PARPBP: variants seen among roughly 807,000 people sequenced by gnomAD.
PARPBP encodes the protein PCNA-interacting partner.
A neutral mutation model predicts 50.0 loss-of-function variants in PARPBP; 52 were observed. The observed-to-expected ratio is 1.04, with a 90% CI of 0.83 to 1.31. The LOEUF (loss-of-function observed/expected upper bound fraction) is 1.31. PARPBP is among the 50% of genes most tolerant of loss of function. The pLI, the probability that PARPBP is intolerant of heterozygous loss-of-function variation, is 0.00. For synonymous variants in PARPBP, 244 were observed against 232.1 expected (o/e 1.05, Z -0.47); for missense variants, 697 against 672.0 (o/e 1.04, Z -0.41).
At position 102,139,208 on chromosome 12, in the gene PARPBP, C is replaced by T. The variant is rs1158752145; in HGVS notation, c.154-9022C>T. On this transcript the variant is annotated intron_variant, in intron 2 of 10. Coordinates refer to ENST00000327680, the MANE Select transcript of PARPBP (RefSeq NM_017915.5). ...CTCCTTGAAGAGGTCCTTCACATCC[C>T]TTGTAAGTTGGGTTCCTAGGTATTT... 2.6e-5 allele frequency among the ~76,000 whole-genome samples: 4 copies of T among 152,148 alleles called. No homozygotes were observed. In the East Asian group the frequency reaches 7.7e-4, roughly 29 times the overall value.
At chr12:102,165,557 G>A in intron 5 of PARPBP, among the ~76,000 whole-genome samples, 172 bp from the exon 6 acceptor site, 1 of 152,082 alleles carries the variant, frequency 6.6e-6, no homozygotes, top group Non-Finnish European at 1.5e-5. Flanking sequence ...AATTCTGCAT[G>A]GCATTTGTTT....
At chr12:102,188,785 G>A (rs12423586) in intron 9 of PARPBP, among the ~76,000 whole-genome samples, 1 of 152,068 alleles carries the variant, frequency 6.6e-6, no homozygotes, top group Admixed American at 6.6e-5. Context: ...TGGAGGAAAA[G>A]ATGGTCAAAA....
At chr12:102,174,715 C>T (rs567325245) in intron 6 of PARPBP, among the ~76,000 whole-genome samples, 83 of 152,272 alleles carry the variant, frequency 5.5e-4, no homozygotes, top group African/African-American at 1.6e-3. Flanking sequence ...TTCCTTAAAA[C>T]GGACCAAAAT....
Position 102,148,226 on chromosome 12 carries a change from TCAG to T in PARPBP, c.154-1_155del, listed in dbSNP as rs538702845. The T allele has an allele frequency of 1.0e-3, 1,397 of 1,362,354 alleles. 3 individuals carry two copies. The highest frequency in any genetic ancestry group is 1.7e-3 in the Admixed American group (84 of 48,828). The allele number at this position is 1,362,354 out of a possible 1,614,324, so 84.4% of individuals were successfully genotyped here. A position where few individuals can be genotyped will look rare whatever the true frequency, so the allele number is the denominator to read the frequency against. On this transcript the variant is annotated splice_acceptor_variant and splice_polypyrimidine_tract_variant and intron_variant, in intron 2 of 10. Transcript: ENST00000327680. LOFTEE classifies it high-confidence loss of function. ...TTTTTTTTTTTTGGCATTATCTTTT[TCAG>T]CACAGTGGAGAATTTACAGTCTCTC...
intron 2 of PARPBP, among the ~76,000 whole-genome samples, chr12:102,139,978 C>A (rs1884294849): frequency 6.6e-6 from 1 of 152,162 alleles, no homozygotes; most frequent in Non-Finnish European, 1.5e-5. Flanking sequence ...GCTTTGGTAT[C>A]AGGATGATGC....
intron 9 of PARPBP, among the ~76,000 whole-genome samples, chr12:102,189,368 C>G (rs928055910): frequency 6.6e-6 from 1 of 152,194 alleles, no homozygotes; most frequent in African/African-American, 2.4e-5. Flanking sequence ...GTAGAACTTT[C>G]AGTGATGGAA....
At chr12:102,124,504 G>T (rs1881656974) in intron 2 of PARPBP, among the ~76,000 whole-genome samples, 1 of 152,164 alleles carries the variant, frequency 6.6e-6, no homozygotes, top group Non-Finnish European at 1.5e-5. Context: ...ACTAGCGTTT[G>T]GATTTAAGCC....
intron 2 of PARPBP, among the ~76,000 whole-genome samples, chr12:102,125,788 A>G (rs1476586392): frequency 1.3e-5 from 2 of 152,244 alleles, no homozygotes; most frequent in African/African-American, 4.8e-5. Flanking sequence ...ATACAAATAC[A>G]TGTAAACTAA....
intron 7 of PARPBP, 21 bp downstream of exon 7, chr12:102,175,687 C>T (rs1440445211): frequency 2.7e-6 from 4 of 1,498,604 alleles, no homozygotes; most frequent in Non-Finnish European, 3.6e-6. Context: ...TTTTATTTTT[C>T]ATTATCCTTT....
chr12:102,164,270 G>T (rs1387785274), intron 4 of PARPBP, among the ~76,000 whole-genome samples, 168 bp from the exon 5 acceptor site: 1 of 152,022 alleles, frequency 6.6e-6, no homozygotes, highest in African/African-American at 2.4e-5. Context: ...GGGGAGAGAT[G>T]GAGTTTATTG....
intron 2 of PARPBP, among the ~76,000 whole-genome samples, chr12:102,132,716 T>C (rs1229781099): frequency 6.6e-6 from 1 of 152,220 alleles, no homozygotes; most frequent in Non-Finnish European, 1.5e-5. Flanking sequence ...TTGATAGGAA[T>C]AGCATTGAAT....
In PARPBP at chr12:102,120,186, T is replaced by TTCAGCGGCG. The variant is rs1880748569; in HGVS notation, c.-103_-95dup. The TTCAGCGGCG allele has an allele frequency of 1.2e-5, 3 of 248,520 alleles. No individual in the cohort carries two copies. Among genetic ancestry groups the TTCAGCGGCG allele is most frequent in the South Asian group, 3.3e-5 (1 of 29,964 alleles). 15.4% of individuals were successfully genotyped at this position (248,520 alleles called of 1,614,324 possible). ...GGCCTCCCGCGAGGTTTGAACTGTA[T>TTCAGCGGCG]TCAGCGGCGACAGCGGCGACTGCGG... On this transcript the variant is annotated 5_prime_UTR_variant, in exon 1 of 11. Coordinates refer to ENST00000327680, the MANE Select transcript of PARPBP (RefSeq NM_017915.5).
chr12:102,143,231 A>G lies in PARPBP; in HGVS notation c.154-4999A>G, dbSNP rs140529196. Among the ~76,000 whole-genome samples the G allele has an allele frequency of 5.9e-3, 896 of 152,280 alleles. 11 individuals carry two copies. Among genetic ancestry groups the G allele is most frequent in the African/African-American group, 0.02 (840 of 41,546 alleles). ...CCCAGCTGCCTTGCAGTTCGATCTC[A>G]GACTAATGTGCTAGCAGTGAGTGAG... On this transcript the variant is annotated intron_variant, in intron 2 of 10. Coordinates refer to ENST00000327680, the MANE Select transcript of PARPBP (RefSeq NM_017915.5).
chr12:102,169,306 T>C lies in PARPBP; in HGVS notation c.821+3423T>C, dbSNP rs1038246796. ...CTTCTACTACATATATGCAAATTCTTCTAAATCTATATTTCAGTGAAATTC... is the reference window on the plus strand; with the variant it reads ...CTTCTACTACATATATGCAAATTCTCCTAAATCTATATTTCAGTGAAATTC... On this transcript the variant is annotated intron_variant, in intron 6 of 10. Transcript: ENST00000327680. Among the ~76,000 whole-genome samples the C allele has an allele frequency of 2.0e-5, 3 of 152,324 alleles. No individual in the cohort carries two copies. The South Asian group carries it at 6.2e-4, about 32-fold the overall frequency.
chr12:102,129,901 TCCTATGGAA>T, intron 2 of PARPBP, among the ~76,000 whole-genome samples: 1 of 152,310 alleles, frequency 6.6e-6, no homozygotes, highest in African/African-American at 2.4e-5. Context: ...CTTTTAAAAT[TCCTATGGAA>T]CCCAAAAAGA....
chr12:102,158,257 A>G (rs1218708874), intron 4 of PARPBP, among the ~76,000 whole-genome samples: 1 of 151,992 alleles, frequency 6.6e-6, no homozygotes, highest in East Asian at 1.9e-4. Flanking sequence ...TCTCAGGGTA[A>G]CTCCTCAATT....
chr12:102,141,047 T>A (rs977958782), intron 2 of PARPBP, among the ~76,000 whole-genome samples: 1 of 152,196 alleles, frequency 6.6e-6, no homozygotes, highest in Admixed American at 6.5e-5. Context: ...TTATTAACTT[T>A]CTGTCTTGTT....
chr12:102,150,467 A>C (rs1260208981), intron 3 of PARPBP: 1 of 339,570 alleles, frequency 2.9e-6, no homozygotes, highest in Non-Finnish European at 5.7e-6. Context: ...GTTGTAGCTG[A>C]AATAAGGTAG....
chr12:102,171,149 T>C (rs1213537251), intron 6 of PARPBP, among the ~76,000 whole-genome samples: 1 of 140,828 alleles, frequency 7.1e-6, no homozygotes, highest in African/African-American at 2.6e-5. Flanking sequence ...CAGTTAGTGC[T>C]TTTTTTTTTT....
Sources: gnomAD v4.1 joint callset for allele counts (sites outside exome capture counted in the v4.1 genomes callset) on GRCh38, gnomAD v4.1.1 for gene constraint, MANE v1.5 for transcripts, NCBI Gene and HGNC (gene_info 2026-07-23, HGNC 2026-07-21) for gene names.